The following MACROD2 variants were observed in gnomAD, a reference collection of about 807,000 sequenced individuals.
MACROD2 encodes the protein mono-ADP ribosylhydrolase 2.
A neutral mutation model predicts 70.4 loss-of-function variants in MACROD2; 36 were observed. That is an observed-to-expected ratio of 0.51 (90% CI 0.39 to 0.68). The LOEUF (loss-of-function observed/expected upper bound fraction) is 0.68, where lower values mean the gene tolerates loss of function less well. Among genes scored for constraint, MACROD2 ranks in the 30% least tolerant of loss-of-function variants. MACROD2 has a pLI of 0.00. For missense variants in MACROD2, 496 were observed against 538.4 expected, an observed-to-expected ratio of 0.92 and a Z score of 0.78; for synonymous variants, 172 against 178.8, an observed-to-expected ratio of 0.96 and a Z score of 0.30.
Position 14,198,720 on chromosome 20 carries a change from T to C in MACROD2, c.271+112992T>C, listed in dbSNP as rs73260910. On this transcript the variant is annotated intron_variant, in intron 3 of 17. Coordinates refer to ENST00000684519, the MANE Select transcript of MACROD2 (RefSeq NM_001351661.2). ...CCCCACCTTTTTCCTTTCCAGTCTCTGATCCTTTTCCTCCTTTTCTTTCCT... is the reference window on the plus strand; with the variant it reads ...CCCCACCTTTTTCCTTTCCAGTCTCCGATCCTTTTCCTCCTTTTCTTTCCT... Among the ~76,000 whole-genome samples the C allele has an allele frequency of 1.7e-3, 260 of 152,296 alleles. 1 individual carries two copies. The highest frequency in any genetic ancestry group is 5.9e-3 in the African/African-American group (245 of 41,564).
At chr20:15,251,643 C>T (rs1387943695) in intron 6 of MACROD2, among the ~76,000 whole-genome samples, 1 of 152,044 alleles carries the variant, frequency 6.6e-6, no homozygotes, top group Admixed American at 6.6e-5. Context: ...ATTTATTTCC[C>T]TTTTGCCTTT....
At chr20:15,241,896 A>T (rs1012430998) in intron 6 of MACROD2, among the ~76,000 whole-genome samples, 1 of 152,146 alleles carries the variant, frequency 6.6e-6, no homozygotes, top group African/African-American at 2.4e-5. Flanking sequence ...AATAGGTGAC[A>T]TGTTCTGTTG....
intron 8 of MACROD2, among the ~76,000 whole-genome samples, chr20:15,681,330 G>A (rs2050157162): frequency 6.6e-6 from 1 of 152,174 alleles, no homozygotes; most frequent in Admixed American, 6.5e-5. Flanking sequence ...AGAAGGGATT[G>A]ACAAAGTATA....
intron 5 of MACROD2, among the ~76,000 whole-genome samples, chr20:14,965,274 A>G (rs562992820): frequency 4.6e-5 from 7 of 152,134 alleles, no homozygotes; most frequent in African/African-American, 1.7e-4. Context: ...GAAGTTATAT[A>G]TTCAATATTC....
At chr20:14,640,715 G>A (rs1985043219) in intron 4 of MACROD2, among the ~76,000 whole-genome samples, 1 of 152,194 alleles carries the variant, frequency 6.6e-6, no homozygotes, top group African/African-American at 2.4e-5. Context: ...TGGAATTTAT[G>A]TTTATATTCT....
chr20:14,702,501 G>A (rs1174971670), intron 5 of MACROD2, among the ~76,000 whole-genome samples: 1 of 149,482 alleles, frequency 6.7e-6, no homozygotes, highest in Non-Finnish European at 1.5e-5. Context: ...CATGGTGTAT[G>A]GGCTGTACTG....
chr20:15,144,731 A>G lies in MACROD2; in HGVS notation c.419-85209A>G, dbSNP rs1430328380. Among the ~76,000 whole-genome samples the G allele has an allele frequency of 2.0e-5, 3 of 152,308 alleles. No homozygotes were observed. The East Asian group carries it at 5.8e-4, about 29-fold the overall frequency. On this transcript the variant is annotated intron_variant, in intron 5 of 17. Coordinates refer to ENST00000684519, the MANE Select transcript of MACROD2 (RefSeq NM_001351661.2). The stretch of plus-strand genomic sequence containing the variant: ...AAGTTTAATGACAAATGTTATGTCC[A>G]GCGGGGAAACATGATGAACTTTTGG...
At chr20:14,730,272 T>A (rs191975654) in intron 5 of MACROD2, among the ~76,000 whole-genome samples, 13 of 152,206 alleles carry the variant, frequency 8.5e-5, no homozygotes, top group Admixed American at 6.5e-4. Context: ...ATCTTTAGTT[T>A]CAGGAACACC....
intron 8 of MACROD2, among the ~76,000 whole-genome samples, chr20:15,742,013 T>C (rs1027638680): frequency 6.6e-6 from 1 of 152,234 alleles, no homozygotes; most frequent in Non-Finnish European, 1.5e-5. Context: ...ATTTTGTGAA[T>C]GATTGTTATA....
chr20:14,163,934 CT>C (rs2055227879), intron 3 of MACROD2, among the ~76,000 whole-genome samples: 1 of 151,462 alleles, frequency 6.6e-6, no homozygotes, highest in Admixed American at 6.6e-5. Context: ...AATTATTTTT[CT>C]GGGATTTTGT....
chr20:15,852,023 G>A (rs1395732434), intron 8 of MACROD2, among the ~76,000 whole-genome samples: 10 of 152,176 alleles, frequency 6.6e-5, no homozygotes, highest in Admixed American at 6.5e-4. Flanking sequence ...TGGATACAAG[G>A]GCAGAACAGG....
intron 5 of MACROD2, among the ~76,000 whole-genome samples, chr20:14,927,491 C>T (rs1190804028): frequency 6.6e-6 from 1 of 152,206 alleles, no homozygotes; most frequent in Admixed American, 6.5e-5. Context: ...GAACCAGATA[C>T]TCTGCCGCCA....
intron 8 of MACROD2, among the ~76,000 whole-genome samples, chr20:15,722,961 A>G (rs2050808559): frequency 6.6e-6 from 1 of 152,118 alleles, no homozygotes; most frequent in Non-Finnish European, 1.5e-5. Flanking sequence ...TCCCATTGAT[A>G]CTTACTAATA....
intron 5 of MACROD2, among the ~76,000 whole-genome samples, chr20:14,718,888 G>A (rs1319146437): frequency 6.6e-6 from 1 of 152,106 alleles, no homozygotes; most frequent in African/African-American, 2.4e-5. Flanking sequence ...TATAAACAAA[G>A]AAGAAAAGGC....
intron 5 of MACROD2, among the ~76,000 whole-genome samples, chr20:15,112,896 A>G (rs1340182933): frequency 6.6e-6 from 1 of 151,552 alleles, no homozygotes; most frequent in Non-Finnish European, 1.5e-5. Context: ...ATATCTGTCC[A>G]TGTTGTAGCA....
intron 7 of MACROD2, among the ~76,000 whole-genome samples, chr20:15,455,368 A>G (rs2046711331): frequency 6.6e-6 from 1 of 152,130 alleles, no homozygotes. Context: ...GTTACTTTAG[A>G]GACTGATTAA....
chr20:14,800,176 G>T (rs947189197), intron 5 of MACROD2, among the ~76,000 whole-genome samples: 7 of 151,666 alleles, frequency 4.6e-5, no homozygotes, highest in Admixed American at 4.6e-4. Flanking sequence ...TCCATTTTAG[G>T]TAAGTTAGTC....
At chr20:15,146,781 G>A (rs412837) in intron 5 of MACROD2, among the ~76,000 whole-genome samples, 89,569 of 151,848 alleles carry the variant, frequency 0.59, 26,541 homozygotes, top group East Asian at 0.65. Flanking sequence ...TTTTGTTTTG[G>A]AACCATGAAA....
At chr20:15,236,286 C>T (rs1169327484) in intron 6 of MACROD2, among the ~76,000 whole-genome samples, 1 of 152,134 alleles carries the variant, frequency 6.6e-6, no homozygotes, top group Non-Finnish European at 1.5e-5. Context: ...AGTGACAGGA[C>T]AGGCAGCAGA....
Sources: allele counts gnomAD v4.1 joint callset (sites outside exome capture counted in the v4.1 genomes callset), GRCh38; gene constraint gnomAD v4.1.1; transcripts MANE v1.5; gene names NCBI Gene and HGNC (gene_info 2026-07-23, HGNC 2026-07-21).